Variants in SFXN4 observed in about 807,000 individuals in gnomAD.
SFXN4 encodes the protein sideroflexin 4.
SFXN4 carries 48 observed loss-of-function variants against 54.6 expected under a neutral mutation model. That is an observed-to-expected ratio of 0.88 (90% CI 0.70 to 1.12). The LOEUF (loss-of-function observed/expected upper bound fraction) is 1.12. Among genes scored for constraint, SFXN4 ranks in the 50% most tolerant of loss-of-function variants. The pLI, the probability that SFXN4 is intolerant of heterozygous loss-of-function variation, is 0.00. For missense variants in SFXN4, 383 were observed against 409.2 expected (o/e 0.94, Z 0.55); for synonymous variants, 130 against 145.5 (o/e 0.89, Z 0.77).
chr10:119,146,981 A>C (rs1000300559), intron 12 of SFXN4, among the ~76,000 whole-genome samples: 3 of 152,214 alleles, frequency 2.0e-5, no homozygotes, highest in Non-Finnish European at 2.9e-5. Flanking sequence ...TCAGGCCCAC[A>C]GAATCCTTCC....
chr10:119,165,281 T>G lies in SFXN4; in HGVS notation c.111+256A>C, dbSNP rs1387577658. The G allele has an allele frequency of 2.5e-6, 3 of 1,215,670 alleles. No individual in the cohort carries two copies. In the African/African-American group the frequency reaches 4.8e-5, roughly 20 times the overall value. The allele number at this position is 1,215,670 out of a possible 1,614,324, so 75.3% of individuals were successfully genotyped here. ...GTAGGGAGCAGCCACCTGCGCGGACTGGGCCCCTCCGAGAGGGCAATCTGG... is the reference window on the plus strand; with the variant it reads ...GTAGGGAGCAGCCACCTGCGCGGACGGGGCCCCTCCGAGAGGGCAATCTGG... On this transcript the variant is annotated intron_variant, in intron 1 of 13. Coordinates refer to ENST00000355697, the MANE Select transcript of SFXN4 (RefSeq NM_213649.2).
intron 1 of SFXN4, chr10:119,165,333 T>C: frequency 2.3e-6 from 3 of 1,295,086 alleles, no homozygotes; most frequent in Non-Finnish European, 2.9e-6. Flanking sequence ...CGTGGGCATC[T>C]GGCAGCTTCG....
At chr10:119,149,214 G>A (rs1273380178) in intron 11 of SFXN4, among the ~76,000 whole-genome samples, 1 of 152,068 alleles carries the variant, frequency 6.6e-6, no homozygotes, top group African/African-American at 2.4e-5. Context: ...ACAGCACATC[G>A]TGTACCCAAG....
At chr10:119,154,664 T>A (rs1276691709) in intron 11 of SFXN4, among the ~76,000 whole-genome samples, 1 of 152,068 alleles carries the variant, frequency 6.6e-6, no homozygotes, top group Non-Finnish European at 1.5e-5. Context: ...AAACCCCGTC[T>A]CTATTAAAAA....
chr10:119,154,175 C>T (rs1847185212), intron 11 of SFXN4, among the ~76,000 whole-genome samples: 1 of 146,792 alleles, frequency 6.8e-6, no homozygotes, highest in African/African-American at 2.5e-5. Context: ...AAGACTCCGT[C>T]TCAAAAAAAA....
Position 119,140,973 on chromosome 10 carries a change from T to C in SFXN4, c.*269A>G. On this transcript the variant is annotated 3_prime_UTR_variant, in exon 14 of 14. Transcript: ENST00000355697. Reference sequence around the variant, plus strand: ...TTAGTTAATTAGTGATTTCACAGTATCCTTTCGCAGGCCGATCCCCACTCC... The same window carrying C: ...TTAGTTAATTAGTGATTTCACAGTACCCTTTCGCAGGCCGATCCCCACTCC... The C allele has an allele frequency of 2.8e-6, 1 of 362,548 alleles. No individual in the cohort carries two copies. The highest frequency in any genetic ancestry group is 5.0e-6 in the Non-Finnish European group (1 of 199,874). The allele number at this position is 362,548 out of a possible 1,614,324, so 22.5% of individuals were successfully genotyped here. A position where few individuals can be genotyped will look rare whatever the true frequency, so the allele number is the denominator to read the frequency against.
chr10:119,162,332 A>G lies in SFXN4; in HGVS notation c.252+8T>C. ...GCAACCAGCCAGACCTGAGCACGTG[A>G]AACATACCCTTTGGTCCGCCGAGGC... On this transcript the variant is annotated splice_region_variant and intron_variant, in intron 3 of 13. Coordinates refer to ENST00000355697, the MANE Select transcript of SFXN4 (RefSeq NM_213649.2). The G allele has an allele frequency of 1.2e-6, 2 of 1,613,882 alleles. No individual in the cohort carries two copies. The highest frequency in any genetic ancestry group is 1.7e-6 in the Non-Finnish European group (2 of 1,179,766).
chr10:119,162,332 A>T lies in SFXN4; in HGVS notation c.252+8T>A, dbSNP rs1847584462. The T allele has an allele frequency of 6.2e-7, 1 of 1,613,764 alleles. No homozygotes were observed. Among genetic ancestry groups the T allele is most frequent in the Admixed American group, 1.7e-5 (1 of 59,996 alleles). ...GCAACCAGCCAGACCTGAGCACGTG[A>T]AACATACCCTTTGGTCCGCCGAGGC... On this transcript the variant is annotated splice_region_variant and intron_variant, in intron 3 of 13. Coordinates refer to ENST00000355697, the MANE Select transcript of SFXN4 (RefSeq NM_213649.2).
Position 119,165,632 on chromosome 10 carries a change from C to G in SFXN4, c.16G>C (p.Glu6Gln). Residue 6 changes from glutamate to glutamine, a missense_variant, in exon 1 of 14, where the codon GAG becomes CAG. By Grantham distance (29) the Glu-to-Gln change is conservative (BLOSUM62 2). Transcript: ENST00000355697. MSLEQ[E>Q]EETQPGRLLG... ...AGCCGCCCAGGTTGCGTTTCCTCCT[C>G]CTGTTCCAGGGACATTTTGCGCTGG... 5 of 1,590,688 alleles carry G rather than the reference C, an allele frequency of 3.1e-6. No homozygotes were observed. The highest frequency in any genetic ancestry group is 4.3e-6 in the Non-Finnish European group (5 of 1,170,852).
In SFXN4 at chr10:119,165,712, C is replaced by T. The variant is rs1318940025; in HGVS notation, c.-65G>A. On this transcript the variant is annotated 5_prime_UTR_variant, in exon 1 of 14. Transcript: ENST00000355697. ...GTGGAGGAGGAGCCGGGCGGCGAGC[C>T]CCGCCCCGGGCCGCGCGCACCCGCA... The T allele has an allele frequency of 3.2e-6, 4 of 1,264,216 alleles. No homozygotes were observed. The highest frequency in any genetic ancestry group is 4.1e-6 in the Non-Finnish European group (4 of 976,492). 78.3% of individuals were successfully genotyped at this position (1,264,216 alleles called of 1,614,324 possible). A position where few individuals can be genotyped will look rare whatever the true frequency, so the allele number is the denominator to read the frequency against.
chr10:119,160,819 C>T (rs1013137467), intron 5 of SFXN4, 96 bp downstream of exon 5: 52 of 1,285,772 alleles, frequency 4.0e-5, no homozygotes, highest in Non-Finnish European at 5.5e-5. Context: ...AGGCTGGTCT[C>T]GAACTCCTGA....
chr10:119,156,736 C>A lies in SFXN4; in HGVS notation c.558G>T (p.Gln186His). 6.2e-7 allele frequency: 1 copy of A among 1,610,440 alleles called. No homozygotes were observed. The highest frequency in any genetic ancestry group is 1.1e-5 in the South Asian group (1 of 90,436). The change falls in exon 10 of 14, where the codon CAG (glutamine) becomes CAT (histidine). Residue 186 changes from glutamine to histidine, a missense_variant. Coordinates refer to ENST00000355697, the MANE Select transcript of SFXN4 (RefSeq NM_213649.2). ...AAGGGCCAGTCAGGCCATACTTCAT[C>A]TGGACAAACTGAGGGATTACCTAGA... ...TFLGVIPQFV[Q>H]MKYGLTGPWI...
At chr10:119,148,868 A>C (rs1846931684) in intron 11 of SFXN4, among the ~76,000 whole-genome samples, 1 of 152,000 alleles carries the variant, frequency 6.6e-6, no homozygotes, top group Admixed American at 6.6e-5. Context: ...AGCTCACGTT[A>C]ACTTTTTTAC....
At chr10:119,159,846 C>A in intron 5 of SFXN4, 93 bp from the exon 6 acceptor site, 1 of 1,356,070 alleles carries the variant, frequency 7.4e-7, no homozygotes. Context: ...ACCTCTTCCC[C>A]AGCTTCCAGA....
At chr10:119,165,452 G>C in intron 1 of SFXN4, 85 bp downstream of exon 1, 1 of 1,408,812 alleles carries the variant, frequency 7.1e-7, no homozygotes, top group Non-Finnish European at 9.2e-7. Flanking sequence ...CACGTGGCCT[G>C]GCCAAGGTCA....
At chr10:119,164,550 A>G (rs1478652087) in intron 1 of SFXN4, among the ~76,000 whole-genome samples, 2 of 152,178 alleles carry the variant, frequency 1.3e-5, no homozygotes, top group South Asian at 4.1e-4. Flanking sequence ...GCAATGGCCT[A>G]GAATATCTCA....
intron 11 of SFXN4, among the ~76,000 whole-genome samples, chr10:119,153,946 G>A (rs35057980): frequency 0.31 from 46,904 of 151,978 alleles, 7,827 homozygotes; most frequent in South Asian, 0.41. Flanking sequence ...GGGAGGCCGA[G>A]GCGGGCGGAA....
intron 3 of SFXN4, chr10:119,162,098 G>A (rs1303472574): frequency 1.1e-5 from 6 of 526,818 alleles, no homozygotes; most frequent in African/African-American, 2.0e-5. Context: ...CTTGCTGTCT[G>A]GTTTATGGGA....
intron 13 of SFXN4, among the ~76,000 whole-genome samples, chr10:119,144,228 G>A (rs965296298): frequency 5.3e-5 from 8 of 152,238 alleles, no homozygotes; most frequent in African/African-American, 1.9e-4. Context: ...AGGCCGAGGC[G>A]GGCGGATCAC....
Sources: allele counts gnomAD v4.1 joint callset (sites outside exome capture counted in the v4.1 genomes callset), GRCh38; gene constraint gnomAD v4.1.1; transcripts MANE v1.5; gene names NCBI Gene and HGNC (gene_info 2026-07-23, HGNC 2026-07-21).